Variants in ZNF385D observed in about 807,000 individuals in gnomAD.
ZNF385D encodes zinc finger protein 659.
A neutral mutation model predicts 35.8 loss-of-function variants in ZNF385D; 15 were observed. The ratio of observed to expected loss-of-function variants is 0.42; its 90% confidence interval spans 0.28 to 0.64. The LOEUF (loss-of-function observed/expected upper bound fraction) is 0.64, where lower values mean the gene tolerates loss of function less well. ZNF385D is among the 30% of genes least tolerant of loss of function. The probability of loss-of-function intolerance (pLI) is 0.23; values close to 1 mark genes in which losing one functional copy is unlikely to be tolerated. For synonymous variants in ZNF385D, 212 were observed against 186.8 expected (o/e 1.13, Z -1.10); for missense variants, 474 against 494.6 (o/e 0.96, Z 0.39).
intron 1 of ZNF385D, among the ~76,000 whole-genome samples, chr3:21,716,203 T>TA (rs746267322): frequency 6.6e-6 from 1 of 152,032 alleles, no homozygotes; most frequent in Non-Finnish European, 1.5e-5. Context: ...GCTTTGTAGC[T>TA]AGTTTCCTTG....
chr3:21,868,297 G>A (rs1697488217), intron 3 of ZNF385D, among the ~76,000 whole-genome samples: 1 of 152,148 alleles, frequency 6.6e-6, no homozygotes, highest in East Asian at 1.9e-4. Context: ...TACAAAAGAG[G>A]CAACAGGAAA....
intron 3 of ZNF385D, among the ~76,000 whole-genome samples, chr3:21,837,384 G>C (rs1291963589): frequency 6.6e-6 from 1 of 152,076 alleles, no homozygotes; most frequent in East Asian, 1.9e-4. Context: ...TTTCAGCTGG[G>C]AGGTAGATAG....
At chr3:21,852,348 C>G (rs1696434276) in intron 3 of ZNF385D, among the ~76,000 whole-genome samples, 2 of 151,886 alleles carry the variant, frequency 1.3e-5, no homozygotes, top group African/African-American at 2.4e-5. Flanking sequence ...TTGCATAGTA[C>G]TTTCCCTCAG....
intron 2 of ZNF385D, among the ~76,000 whole-genome samples, chr3:22,300,324 G>T (rs772150453): frequency 1.3e-5 from 2 of 150,702 alleles, no homozygotes; most frequent in Non-Finnish European, 3.0e-5. Flanking sequence ...TAAAGCCAGA[G>T]ACTATAAAAC....
upstream of ZNF385D, among the ~76,000 whole-genome samples, chr3:21,754,671 T>C (rs1454148860): frequency 6.6e-6 from 1 of 152,086 alleles, no homozygotes; most frequent in African/African-American, 2.4e-5. Flanking sequence ...CTTAACCTCC[T>C]TTCCTCCCTT....
At chr3:22,149,410 T>C (rs17010896) in intron 3 of ZNF385D, among the ~76,000 whole-genome samples, 1 of 152,142 alleles carries the variant, frequency 6.6e-6, no homozygotes. Context: ...TTGCTTCTGA[T>C]ATGTTATTTA....
intron 3 of ZNF385D, among the ~76,000 whole-genome samples, chr3:22,072,891 T>C (rs1397529419): frequency 6.6e-6 from 1 of 151,952 alleles, no homozygotes; most frequent in African/African-American, 2.4e-5. Flanking sequence ...TGATTTGAAA[T>C]TGAGATTCCC....
At chr3:22,161,646 A>G (rs1705958396) in intron 3 of ZNF385D, among the ~76,000 whole-genome samples, 1 of 152,144 alleles carries the variant, frequency 6.6e-6, no homozygotes, top group Non-Finnish European at 1.5e-5. Flanking sequence ...TAACAGAAAA[A>G]GATACATTTC....
intron 3 of ZNF385D, among the ~76,000 whole-genome samples, chr3:21,894,912 G>T (rs994716165): frequency 1.4e-5 from 2 of 142,574 alleles, no homozygotes; most frequent in Non-Finnish European, 3.1e-5. Flanking sequence ...AGGAGCTCAT[G>T]GCAAAGAGAG....
chr3:22,044,350 G>C (rs757027060), intron 3 of ZNF385D, among the ~76,000 whole-genome samples: 19 of 152,126 alleles, frequency 1.2e-4, no homozygotes, highest in Admixed American at 3.3e-4. Context: ...GTCCTAAAAT[G>C]GCTGCTTGAT....
chr3:21,446,783 G>A (rs530110256), intron 4 of ZNF385D, among the ~76,000 whole-genome samples: 1 of 116,488 alleles, frequency 8.6e-6, no homozygotes. Flanking sequence ...GTGAGCCACC[G>A]TGCCTGGCCT....
chr3:21,977,311 T>C (rs1397953143), intron 3 of ZNF385D, among the ~76,000 whole-genome samples: 1 of 149,758 alleles, frequency 6.7e-6, no homozygotes, highest in Non-Finnish European at 1.5e-5. Context: ...TGTATATACA[T>C]ACTACATTTC....
chr3:21,793,491 A>G (rs1316614898), intron 3 of ZNF385D, among the ~76,000 whole-genome samples: 3 of 152,242 alleles, frequency 2.0e-5, no homozygotes, highest in Non-Finnish European at 2.9e-5. Context: ...TAGAATTTGC[A>G]TTTTAACAAG....
At chr3:22,129,176 C>G (rs1576368480) in intron 3 of ZNF385D, among the ~76,000 whole-genome samples, 1 of 152,044 alleles carries the variant, frequency 6.6e-6, no homozygotes, top group Admixed American at 6.6e-5. Flanking sequence ...CTTACTTTTC[C>G]CCAAACAAAC....
At chr3:21,719,962 G>C (rs2068473734) in intron 1 of ZNF385D, among the ~76,000 whole-genome samples, 1 of 152,078 alleles carries the variant, frequency 6.6e-6, no homozygotes, top group Non-Finnish European at 1.5e-5. Flanking sequence ...ACTTCTCTTG[G>C]CCTATATTTT....
intron 3 of ZNF385D, among the ~76,000 whole-genome samples, chr3:22,139,208 G>A (rs959601900): frequency 3.3e-5 from 5 of 152,108 alleles, no homozygotes; most frequent in Admixed American, 6.6e-5. Flanking sequence ...TCGGTGTGGC[G>A]ATTCCTCAGG....
intron 3 of ZNF385D, among the ~76,000 whole-genome samples, chr3:21,861,233 G>T (rs1165109581): frequency 6.6e-6 from 1 of 152,040 alleles, no homozygotes; most frequent in East Asian, 1.9e-4. Flanking sequence ...TTTTTTTCGT[G>T]CCATAGTCCA....
rs374243806 is a variant in ZNF385D, at chr3:21,572,606, G to A, written c.166-7922C>T. 6.6e-5 allele frequency among the ~76,000 whole-genome samples: 10 copies of A among 152,124 alleles called. No homozygotes were observed. In the East Asian group the frequency reaches 9.7e-4, roughly 15 times the overall value. On this transcript the variant is annotated intron_variant, in intron 2 of 7. Transcript: ENST00000281523. ...AAAAACAGAGTTTCCCCGGGCCCTT[G>A]GGTTTTCATTTCTGTTAAGAGTGTT...
At chr3:21,999,762 C>A in intron 3 of ZNF385D, among the ~76,000 whole-genome samples, 2 of 97,700 alleles carry the variant, frequency 2.0e-5, no homozygotes, top group Admixed American at 8.5e-5. Flanking sequence ...TAAAATACCC[C>A]AGTCAGGCAA....
Sources: gnomAD v4.1 joint callset for allele counts (sites outside exome capture counted in the v4.1 genomes callset) on GRCh38, gnomAD v4.1.1 for gene constraint, MANE v1.5 for transcripts, NCBI Gene and HGNC (gene_info 2026-07-23, HGNC 2026-07-21) for gene names.